The following EHMT1 variants were observed in gnomAD, a reference collection of about 807,000 sequenced individuals.
EHMT1 encodes histone-lysine N-methyltransferase EHMT1.
Under a neutral mutation model 147.2 loss-of-function variants are expected in EHMT1, and 15 were observed. That is an observed-to-expected ratio of 0.10 (90% CI 0.07 to 0.16). The LOEUF (loss-of-function observed/expected upper bound fraction) is 0.16. Among genes scored for constraint, EHMT1 ranks in the 10% least tolerant of loss-of-function variants. The pLI, the probability that EHMT1 is intolerant of heterozygous loss-of-function variation, is 1.00. For synonymous variants in EHMT1, 795 were observed against 709.6 expected, an observed-to-expected ratio of 1.12 and a Z score of -1.91; for missense variants, 1,587 against 1,772.4, an observed-to-expected ratio of 0.90 and a Z score of 1.88.
intron 3 of EHMT1, among the ~76,000 whole-genome samples, chr9:137,718,303 T>G (rs1285585028): frequency 6.6e-6 from 1 of 152,266 alleles, no homozygotes; most frequent in Non-Finnish European, 1.5e-5. Flanking sequence ...GTTTTCAAAG[T>G]GTTCATGGTG....
chr9:137,785,001 G>C (rs1444719154), intron 15 of EHMT1: 1 of 154,130 alleles, frequency 6.5e-6, no homozygotes, highest in African/African-American at 2.4e-5. Flanking sequence ...CAGGGAGTGG[G>C]GGGTGGTCGT....
intron 18 of EHMT1, among the ~76,000 whole-genome samples, chr9:137,809,787 A>C (rs1423652226): frequency 6.6e-6 from 1 of 152,272 alleles, no homozygotes; most frequent in Non-Finnish European, 1.5e-5. Context: ...GACATAAACC[A>C]AGTGTTCAGT....
chr9:137,641,107 C>T, intron 1 of EHMT1: 1 of 313,510 alleles, frequency 3.2e-6, no homozygotes, highest in Non-Finnish European at 6.2e-6. Flanking sequence ...CCAAGGAGCA[C>T]TGTGATGAAT....
intron 1 of EHMT1, among the ~76,000 whole-genome samples, chr9:137,648,967 C>T (rs183442257): frequency 5.9e-4 from 90 of 152,306 alleles, no homozygotes; most frequent in Non-Finnish European, 6.5e-4. Flanking sequence ...ATGAGCTGTA[C>T]CATCTTATCC....
chr9:137,830,748 T>A (rs1213461807), intron 25 of EHMT1, among the ~76,000 whole-genome samples: 1 of 152,240 alleles, frequency 6.6e-6, no homozygotes, highest in Non-Finnish European at 1.5e-5. Flanking sequence ...GGCAGTTACA[T>A]TAATTTTAGT....
chr9:137,826,175 G>A (rs971717293), intron 25 of EHMT1, among the ~76,000 whole-genome samples: 1 of 152,048 alleles, frequency 6.6e-6, no homozygotes, highest in Non-Finnish European at 1.5e-5. Flanking sequence ...GTGTGTTCCT[G>A]TTTCTGTGCC....
intron 4 of EHMT1, among the ~76,000 whole-genome samples, chr9:137,742,467 T>A (rs974423787): frequency 6.6e-6 from 1 of 151,984 alleles, no homozygotes; most frequent in Non-Finnish European, 1.5e-5. Context: ...TTAAACAGAG[T>A]GGATTTTCCC....
intron 1 of EHMT1, among the ~76,000 whole-genome samples, chr9:137,709,515 A>G (rs1015621011): frequency 2.0e-5 from 3 of 152,110 alleles, no homozygotes; most frequent in Non-Finnish European, 4.4e-5. Flanking sequence ...GCGAGACCAT[A>G]TGGATGTGAG....
chr9:137,829,474 A>T (rs1045763377), intron 25 of EHMT1, among the ~76,000 whole-genome samples: 1 of 152,232 alleles, frequency 6.6e-6, no homozygotes, highest in Admixed American at 6.5e-5. Flanking sequence ...TACAAATGTG[A>T]CATTTTACCC....
Position 137,731,730 on chromosome 9 carries a change from A to G in EHMT1, c.823+3201A>G, listed in dbSNP as rs905422154. ...CGGCCCAGCAGGCTGTACTTGGCTCATGCTACCGGCCCAGATCCCACACCT... is the reference window on the plus strand; with the variant it reads ...CGGCCCAGCAGGCTGTACTTGGCTCGTGCTACCGGCCCAGATCCCACACCT... On this transcript the variant is annotated intron_variant, in intron 4 of 26. Transcript: ENST00000460843. The surrounding 1 kb of genome is among the most constrained non-coding windows in gnomAD (Gnocchi z 4.3). Among the ~76,000 whole-genome samples the G allele has an allele frequency of 4.6e-5, 7 of 152,070 alleles. No homozygotes were observed. The highest frequency in any genetic ancestry group is 1.9e-4 in the East Asian group (1 of 5,170).
At chr9:137,628,602 T>G (rs1020621500) in intron 1 of EHMT1, among the ~76,000 whole-genome samples, 27 of 152,182 alleles carry the variant, frequency 1.8e-4, no homozygotes, top group Non-Finnish European at 4.0e-4. Context: ...TCCATAAATC[T>G]TGAGAAGCAG....
At chr9:137,824,173 C>A (rs980179574) in intron 25 of EHMT1, among the ~76,000 whole-genome samples, 2 of 152,172 alleles carry the variant, frequency 1.3e-5, no homozygotes, top group Middle Eastern at 3.4e-3. Flanking sequence ...TTCTGGAGGC[C>A]GAGACGGAGT....
Position 137,731,856 on chromosome 9 carries a change from G to A in EHMT1, c.823+3327G>A, listed in dbSNP as rs1947139975. 6.6e-6 allele frequency among the ~76,000 whole-genome samples: 1 copy of A among 152,188 alleles called. No homozygotes were observed. Among genetic ancestry groups the A allele is most frequent in the Non-Finnish European group, 1.5e-5 (1 of 68,026 alleles). On this transcript the variant is annotated intron_variant, in intron 4 of 26. Coordinates refer to ENST00000460843, the MANE Select transcript of EHMT1 (RefSeq NM_024757.5). The surrounding 1 kb of genome is among the most constrained non-coding windows in gnomAD (Gnocchi z 4.3). ...CCAGGCCTGCTTGGCTGCTGTGGTGGGGCAGGCAGCTCCAGGCTCTGGCTC... is the reference window on the plus strand; with the variant it reads ...CCAGGCCTGCTTGGCTGCTGTGGTGAGGCAGGCAGCTCCAGGCTCTGGCTC...
At chr9:137,651,670 T>C (rs1564542119) in intron 1 of EHMT1, among the ~76,000 whole-genome samples, 1 of 152,098 alleles carries the variant, frequency 6.6e-6, no homozygotes, top group African/African-American at 2.4e-5. Flanking sequence ...TGGCACACAC[T>C]TATAATCCCA....
intron 23 of EHMT1, chr9:137,816,674 CA>C (rs1304479580): frequency 5.9e-6 from 1 of 168,114 alleles, no homozygotes; most frequent in Non-Finnish European, 1.3e-5. Context: ...TCCTCTGAGT[CA>C]TAAGGGAAAG....
intron 3 of EHMT1, among the ~76,000 whole-genome samples, chr9:137,717,600 T>A (rs866628406): frequency 5.8e-5 from 7 of 121,350 alleles, no homozygotes; most frequent in South Asian, 2.7e-4. Flanking sequence ...AGTGAGACCC[T>A]GTCTCAAAAA....
chr9:137,781,331 G>T (rs576014681), intron 14 of EHMT1, among the ~76,000 whole-genome samples: 1 of 137,360 alleles, frequency 7.3e-6, no homozygotes, highest in South Asian at 2.4e-4. Context: ...TGGTGATGAC[G>T]CTGAGACGTG....
At position 137,813,205 on chromosome 9, in the gene EHMT1, A is replaced by G. The variant is rs746201330; in HGVS notation, c.3035+32A>G. 4.4e-6 allele frequency: 7 copies of G among 1,603,046 alleles called. No homozygotes were observed. The South Asian group carries it at 7.7e-5, about 18-fold the overall frequency. ...CCAGCCCCAGGACGGCTTTGTGGCA[A>G]ATCAGCGGTCAGCAGGGCTTTGGGA... is the stretch of plus-strand genomic sequence containing the variant. On this transcript the variant is annotated intron_variant, in intron 20 of 26. Transcript: ENST00000460843. The surrounding 1 kb of genome is among the most constrained non-coding windows in gnomAD (Gnocchi z 4.9).
intron 25 of EHMT1, among the ~76,000 whole-genome samples, chr9:137,833,173 G>T (rs1407774347): frequency 6.6e-6 from 1 of 152,186 alleles, no homozygotes; most frequent in Non-Finnish European, 1.5e-5. Flanking sequence ...TGGCTCTCTG[G>T]TTAATGTTCA....
Sources: gnomAD v4.1 joint callset for allele counts (sites outside exome capture counted in the v4.1 genomes callset) on GRCh38, gnomAD v4.1.1 for gene constraint, Gnocchi (gnomAD v3.1) non-coding constraint, MANE v1.5 for transcripts, NCBI Gene and HGNC (gene_info 2026-07-23, HGNC 2026-07-21) for gene names.